The following KDM6A variants were observed in gnomAD, a reference collection of about 807,000 sequenced individuals.
KDM6A encodes the protein lysine-specific demethylase 6A.
A neutral mutation model predicts 117.6 loss-of-function variants in KDM6A; 11 were observed. The observed-to-expected ratio is 0.09, with a 90% CI of 0.06 to 0.15. The LOEUF is 0.15. Ranked by LOEUF, KDM6A falls within the 10% of genes least tolerant of loss-of-function variation. The pLI is 1.00. For missense variants in KDM6A, 799 were observed against 1,077.3 expected (o/e 0.74, Z 3.62); for synonymous variants, 384 against 396.1 (o/e 0.97, Z 0.36).
chrX:44,983,931 T>C (rs1256241352), intron 4 of KDM6A, among the ~76,000 whole-genome samples: 1 of 109,649 alleles, frequency 9.1e-6, no homozygotes, highest in East Asian at 2.8e-4. Flanking sequence ...TACCCAGTAA[T>C]GGGATGGCTG....
intron 2 of KDM6A, among the ~76,000 whole-genome samples, chrX:44,897,204 C>T (rs1314699869): frequency 1.0e-5 from 1 of 97,318 alleles, no homozygotes; most frequent in Non-Finnish European, 2.0e-5. Context: ...CTGATTGGTT[C>T]ACTGACTCTG....
At position 44,873,316 on chromosome X, in the gene KDM6A, T is replaced by G; in HGVS notation, c.-236T>G. On this transcript the variant is annotated 5_prime_UTR_variant, in exon 1 of 30. It removes an upstream start codon present in the reference 5' UTR. Transcript: ENST00000611820. ...GGCTGCCCCCTGCCCAACCCCGCGA[T>G]GTGACCCTACAGCCGAAAGCCGCCG... is the stretch of plus-strand genomic sequence containing the variant. 5.5e-6 allele frequency: 2 copies of G among 363,376 alleles called. No homozygotes were observed. The highest frequency in any genetic ancestry group is 5.3e-5 in the East Asian group (1 of 18,740). 29.9% of individuals were successfully genotyped at this position (363,376 alleles called of 1,213,427 possible). A position where few individuals can be genotyped will look rare whatever the true frequency, so the allele number is the denominator to read the frequency against.
In KDM6A at chrX:45,111,369, C is replaced by T; in HGVS notation, c.4333-13C>T. 4 of 1,184,311 alleles carry T rather than the reference C, an allele frequency of 3.4e-6. No individual in the cohort carries two copies. Among genetic ancestry groups the T allele is most frequent in the Non-Finnish European group, 4.6e-6 (4 of 870,897 alleles). ...TTGTATATCAAAATAACCTACCTTACTTTTATTTTCAGGCTCCTCCATTAC... is the reference window on the plus strand; with the variant it reads ...TTGTATATCAAAATAACCTACCTTATTTTTATTTTCAGGCTCCTCCATTAC... On this transcript the variant is annotated splice_polypyrimidine_tract_variant and intron_variant, in intron 29 of 29. Coordinates refer to ENST00000611820, the MANE Select transcript of KDM6A (RefSeq NM_001291415.2).
At chrX:44,972,127 A>T (rs1179554659) in intron 3 of KDM6A, among the ~76,000 whole-genome samples, 2 of 111,439 alleles carry the variant, frequency 1.8e-5, no homozygotes, top group Non-Finnish European at 3.8e-5. Context: ...GTCACTAGTG[A>T]AGGGTAACAT....
At chrX:45,087,365 G>A (rs1307426240) in intron 25 of KDM6A, among the ~76,000 whole-genome samples, 2 of 112,989 alleles carry the variant, frequency 1.8e-5, no homozygotes, top group Non-Finnish European at 3.7e-5. Flanking sequence ...GAAGTGCATC[G>A]TAGTTGAAAA....
chrX:44,916,841 C>A (rs1003156188), intron 2 of KDM6A, among the ~76,000 whole-genome samples: 1 of 108,711 alleles, frequency 9.2e-6, no homozygotes, highest in African/African-American at 3.4e-5. Context: ...GGACAGGGTC[C>A]CACTGTGTTG....
intron 19 of KDM6A, among the ~76,000 whole-genome samples, chrX:45,078,052 C>T (rs1263960937): frequency 1.8e-5 from 2 of 112,324 alleles, no homozygotes; most frequent in Non-Finnish European, 3.8e-5. Context: ...GCTTATTTCA[C>T]TTAACATAAT....
Position 45,093,927 on chromosome X carries a change from C to T in KDM6A, c.4034+3063C>T, listed in dbSNP as rs374315206. 6.3e-5 allele frequency among the ~76,000 whole-genome samples: 7 copies of T among 110,786 alleles called. No individual in the cohort carries two copies. In the South Asian group the frequency reaches 1.2e-3, roughly 18 times the overall value. The stretch of plus-strand genomic sequence containing the variant: ...ATGCACTTACATTCTTATCTATACT[C>T]CATTTTGCCCTACGCTACAAAATGT... On this transcript the variant is annotated intron_variant, in intron 27 of 29. Transcript: ENST00000611820.
At position 45,111,998 on chromosome X, in the gene KDM6A, A is replaced by G. The variant is rs2046782691; in HGVS notation, c.*587A>G. ...GTCACAAAGGTAATGGATTGCACAT[A>G]GACTAAGGAATAAACTTCAGATTTG... On this transcript the variant is annotated 3_prime_UTR_variant, in exon 30 of 30. Transcript: ENST00000611820. 1.2e-5 allele frequency: 2 copies of G among 168,013 alleles called. No homozygotes were observed. Among genetic ancestry groups the G allele is most frequent in the Non-Finnish European group, 2.3e-5 (2 of 87,706 alleles). The allele number at this position is 168,013 out of a possible 1,213,427, so 13.8% of individuals were successfully genotyped here. A position where few individuals can be genotyped will look rare whatever the true frequency, so the allele number is the denominator to read the frequency against.
At chrX:44,889,625 C>T (rs999408008) in intron 2 of KDM6A, among the ~76,000 whole-genome samples, 4 of 111,408 alleles carry the variant, frequency 3.6e-5, no homozygotes, top group African/African-American at 1.3e-4. Flanking sequence ...TTTTAATAGG[C>T]TATATAGGTT....
At chrX:45,029,806 C>T (rs1225587965) in intron 6 of KDM6A, among the ~76,000 whole-genome samples, 1 of 110,727 alleles carries the variant, frequency 9.0e-6, no homozygotes, top group Admixed American at 9.7e-5. Flanking sequence ...ATTTTGTGTA[C>T]ATAGGTTAGA....
intron 3 of KDM6A, among the ~76,000 whole-genome samples, chrX:44,963,537 C>CT (rs2147188739): frequency 1.1e-5 from 1 of 91,963 alleles, no homozygotes; most frequent in South Asian, 5.2e-4. Flanking sequence ...CTCTGTGTCT[C>CT]TTTTTTAAAG....
chrX:45,010,070 A>G lies in KDM6A; in HGVS notation c.385-891A>G, dbSNP rs73490938. ...AAGAAATTTGTTCACACAGATCAGT[A>G]TGAAAGCTTTACCTTCTTTTTTAAT... On this transcript the variant is annotated intron_variant, in intron 4 of 29. Transcript: ENST00000611820. Among the ~76,000 whole-genome samples the G allele has an allele frequency of 7.5e-3, 842 of 112,331 alleles. 14 individuals carry two copies. The highest frequency in any genetic ancestry group is 0.026 in the African/African-American group (805 of 30,961).
intron 6 of KDM6A, among the ~76,000 whole-genome samples, chrX:45,034,233 A>G (rs2042720218): frequency 8.9e-6 from 1 of 111,786 alleles, no homozygotes; most frequent in African/African-American, 3.2e-5. Context: ...TGATGATAAT[A>G]TGCGCTCCTA....
intron 2 of KDM6A, among the ~76,000 whole-genome samples, chrX:44,921,547 T>G (rs2035938453): frequency 3.6e-5 from 4 of 111,503 alleles, no homozygotes; most frequent in Admixed American, 1.9e-4. Context: ...ACCTAACCTC[T>G]GGGAACCACC....
At chrX:44,898,047 C>T (rs758576392) in intron 2 of KDM6A, among the ~76,000 whole-genome samples, 1 of 111,678 alleles carries the variant, frequency 9.0e-6, no homozygotes, top group African/African-American at 3.3e-5. Context: ...CTCCCTTACC[C>T]TCACATCTTC....
chrX:44,977,429 G>GTTTTTTTTTTTTTTTTTTTTTTTTTTTTT (rs202089775), intron 4 of KDM6A, among the ~76,000 whole-genome samples: 1 of 106,143 alleles, frequency 9.4e-6, no homozygotes, highest in African/African-American at 3.4e-5. Context: ...TAATTTTTAA[G>GTTTTTTTTTTTTTTTTTTTTTTTTTTTTT]TTTTTTTTTT....
intron 2 of KDM6A, among the ~76,000 whole-genome samples, chrX:44,949,910 C>G (rs2037884083): frequency 9.0e-6 from 1 of 111,518 alleles, no homozygotes; most frequent in South Asian, 3.8e-4. Flanking sequence ...GCTTAAATGA[C>G]AGGCATAATG....
At chrX:45,014,483 A>G (rs190381541) in intron 5 of KDM6A, among the ~76,000 whole-genome samples, 18 of 112,058 alleles carry the variant, frequency 1.6e-4, no homozygotes, top group African/African-American at 4.5e-4. Context: ...AAAGGAAGAC[A>G]TAGAAGCAGA....
Sources: gnomAD v4.1 joint callset for allele counts (sites outside exome capture counted in the v4.1 genomes callset) on GRCh38, gnomAD v4.1.1 for gene constraint, MANE v1.5 for transcripts, NCBI Gene and HGNC (gene_info 2026-07-23, HGNC 2026-07-21) for gene names.